The following DOT1L variants were observed in gnomAD, a reference collection of about 807,000 sequenced individuals.
DOT1L encodes histone-lysine N-methyltransferase, H3 lysine-79 specific.
Under a neutral mutation model 153.3 loss-of-function variants are expected in DOT1L, and 33 were observed. That is an observed-to-expected ratio of 0.22 (90% CI 0.16 to 0.29). The LOEUF (loss-of-function observed/expected upper bound fraction) is 0.29. Among genes scored for constraint, DOT1L ranks in the 10% least tolerant of loss-of-function variants. The pLI, the probability that DOT1L is intolerant of heterozygous loss-of-function variation, is 1.00. For missense variants in DOT1L, 1,847 were observed against 2,119.9 expected (o/e 0.87, Z 2.53); for synonymous variants, 1,135 against 965.1 (o/e 1.18, Z -3.26).
intron 1 of DOT1L, among the ~76,000 whole-genome samples, chr19:2,165,971 C>T (rs2019903119): frequency 6.6e-6 from 1 of 151,904 alleles, no homozygotes; most frequent in Admixed American, 6.6e-5. Flanking sequence ...GGGGTTTCAC[C>T]GTGTTAGCCA....
At chr19:2,216,862 TGAG>T (rs936488258) in intron 20 of DOT1L, 90 bp from the exon 21 acceptor site, 23 of 1,557,272 alleles carry the variant, frequency 1.5e-5, no homozygotes, top group African/African-American at 2.7e-5. Flanking sequence ...GTGTGTTTGT[TGAG>T]GAGACTGAGG....
chr19:2,227,226 A>T (rs1303579294), intron 27 of DOT1L, 99 bp downstream of exon 27: 2 of 1,454,224 alleles, frequency 1.4e-6, no homozygotes, highest in Admixed American at 3.4e-5. Flanking sequence ...GCAGGAGCTG[A>T]GCTGCAGGTC....
In DOT1L at chr19:2,223,390, A is replaced by G. The variant is rs749144203; in HGVS notation, c.3500A>G (p.Lys1167Arg). The change falls in exon 25 of 28, where the codon AAG becomes AGG. Residue 1167 changes from lysine (K) to arginine (R), a missense_variant. Around this residue, in one of 8 missense-constraint regions of DOT1L, gnomAD observed 934 missense variants for 825.3 expected, o/e 1.13. Coordinates refer to ENST00000398665, the MANE Select transcript of DOT1L (RefSeq NM_032482.3). ...GACCACGACCAGCCCCCCGTGCTCA[A>G]GAAGGAGCGGCCTCTGAGCCAGACC... ...YQDHDQPPVL[K>R]KERPLSQTNG... 3 of 1,613,800 alleles carry G rather than the reference A, an allele frequency of 1.9e-6. No homozygotes were observed. Among genetic ancestry groups the G allele is most frequent in the East Asian group, 4.5e-5 (2 of 44,882 alleles).
chr19:2,189,687 C>T, intron 3 of DOT1L, 45 bp from the exon 4 acceptor site: 3 of 1,602,060 alleles, frequency 1.9e-6, no homozygotes, highest in Non-Finnish European at 1.7e-6. Context: ...ATGCATGCGG[C>T]TGGCTCCTGC....
At chr19:2,216,890 G>C in intron 20 of DOT1L, 65 bp from the exon 21 acceptor site, 1 of 1,567,886 alleles carries the variant, frequency 6.4e-7, no homozygotes, top group Non-Finnish European at 8.7e-7. Flanking sequence ...GAGGTGCTGG[G>C]CCAGGCCGCT....
intron 12 of DOT1L, 127 bp downstream of exon 12, chr19:2,209,103 G>T: frequency 1.9e-6 from 2 of 1,047,122 alleles, no homozygotes; most frequent in Admixed American, 2.7e-5. Context: ...CTCGGGGCCC[G>T]GCCCTGTGCC....
Position 2,185,843 on chromosome 19 carries a change from G to A in DOT1L, c.126-12G>A, listed in dbSNP as rs1188733812. The A allele has an allele frequency of 9.9e-6, 16 of 1,613,704 alleles. No homozygotes were observed. Among genetic ancestry groups the A allele is most frequent in the Non-Finnish European group, 1.3e-5 (15 of 1,179,764 alleles). The stretch of plus-strand genomic sequence containing the variant: ...CAAACCCTTCCTGATCGTTTCTGCT[G>A]CTGTGTTTCAGATGGGTCTGTGAAG... On this transcript the variant is annotated splice_polypyrimidine_tract_variant and intron_variant, in intron 2 of 27. Transcript: ENST00000398665.
In DOT1L at chr19:2,190,165, A is replaced by G. The variant is rs1277286789; in HGVS notation, c.264+370A>G. On this transcript the variant is annotated intron_variant, in intron 4 of 27. Transcript: ENST00000398665. This position sits in a 1 kb window ranked among gnomAD's most constrained non-coding sequence, Gnocchi z 4.8. ...GCCTTCCCCCTTGGACCTCCCCCAC[A>G]CCGCCTGCCTTCATCAGGCTGGATG... 2.0e-5 allele frequency among the ~76,000 whole-genome samples: 3 copies of G among 151,490 alleles called. No homozygotes were observed. The highest frequency in any genetic ancestry group is 4.4e-5 in the Non-Finnish European group (3 of 67,862).
chr19:2,199,095 T>C (rs1040485682), intron 7 of DOT1L, among the ~76,000 whole-genome samples: 13 of 152,202 alleles, frequency 8.5e-5, no homozygotes, highest in African/African-American at 2.7e-4. Flanking sequence ...TTTTGAAGGA[T>C]TTGAAAGGCG....
intron 13 of DOT1L, 50 bp downstream of exon 13, chr19:2,210,560 C>A (rs199766645): frequency 6.3e-7 from 1 of 1,590,824 alleles, no homozygotes; most frequent in Non-Finnish European, 8.6e-7. Context: ...GCCCCCTGCC[C>A]GGGAGACCCC....
At chr19:2,174,470 T>C (rs778462242) in intron 1 of DOT1L, among the ~76,000 whole-genome samples, 12 of 152,120 alleles carry the variant, frequency 7.9e-5, no homozygotes, top group Non-Finnish European at 1.8e-4. Context: ...GCAGATCACC[T>C]GAGGTTGGGA....
intron 7 of DOT1L, among the ~76,000 whole-genome samples, chr19:2,198,486 G>C (rs1053116003): frequency 1.3e-5 from 2 of 152,194 alleles, no homozygotes; most frequent in Non-Finnish European, 2.9e-5. Context: ...CCTGTCCTCC[G>C]GGCCCGGGGG....
intron 27 of DOT1L, 188 bp downstream of exon 27, chr19:2,227,315 CGT>C (rs750379415): frequency 6.2e-6 from 5 of 806,962 alleles, no homozygotes; most frequent in African/African-American, 3.4e-5. Context: ...ACGCTGAGTC[CGT>C]GTGTCTTGGG....
intron 5 of DOT1L, among the ~76,000 whole-genome samples, chr19:2,192,597 T>C (rs1277714878): frequency 1.3e-5 from 2 of 151,358 alleles, no homozygotes; most frequent in Non-Finnish European, 2.9e-5. Flanking sequence ...TGCTTGAACT[T>C]TGAAGGCGGA....
rs1306321512 is a variant in DOT1L, at chr19:2,214,610, G to A, written c.1923+14G>A. On this transcript the variant is annotated intron_variant, in intron 19 of 27. Transcript: ENST00000398665. ...CTGGAGCTGCAGGTGGGCTGCGCGCGAGGCTGCACTCCGTGGTGTCCGAGC... is the reference window on the plus strand; with the variant it reads ...CTGGAGCTGCAGGTGGGCTGCGCGCAAGGCTGCACTCCGTGGTGTCCGAGC... The A allele has an allele frequency of 6.2e-6, 10 of 1,610,310 alleles. No homozygotes were observed. Among genetic ancestry groups the A allele is most frequent in the African/African-American group, 2.7e-5 (2 of 74,918 alleles).
chr19:2,228,970 C>T (rs888129480), intron 27 of DOT1L: 104 of 985,252 alleles, frequency 1.1e-4, no homozygotes, highest in Non-Finnish European at 1.2e-4. Flanking sequence ...CCGGCGGGGT[C>T]GAGAGGCAAG....
In DOT1L at chr19:2,230,503, C is replaced by T. The variant is rs1004937882; in HGVS notation, c.*711C>T. On this transcript the variant is annotated 3_prime_UTR_variant, in exon 28 of 28. Transcript: ENST00000398665. ...GTGCTGCGCGATGGTGCTGTGAGGA[C>T]GGCGCGGGCACGTTGAACAAGTGCA... 8 of 398,844 alleles carry T rather than the reference C, an allele frequency of 2.0e-5. No homozygotes were observed. Among genetic ancestry groups the T allele is most frequent in the South Asian group, 1.3e-4 (1 of 7,880 alleles). 24.7% of individuals were successfully genotyped at this position (398,844 alleles called of 1,614,324 possible).
chr19:2,200,026 C>T, intron 8 of DOT1L, 87 bp downstream of exon 8: 1 of 1,521,338 alleles, frequency 6.6e-7, no homozygotes, highest in Non-Finnish European at 9.0e-7. Context: ...GGGAGCGGCC[C>T]CTCGCTCCTG....
Position 2,211,131 on chromosome 19 carries a change from C to G in DOT1L, c.1384C>G (p.Gln462Glu). The stretch of plus-strand genomic sequence containing the variant: ...CAGATCCCCTCACAGCCCGTTCTAC[C>G]AGCTACCTCCGAGCGTGCAGCGGCA... ...AYRSPHSPFYQLPPSVQRHSP... is the reference protein window; with the variant it reads ...AYRSPHSPFYELPPSVQRHSP... The change falls in exon 15 of 28, where the codon CAG becomes GAG. Residue 462 changes from glutamine (Q) to glutamate (E), a missense_variant. Around this residue, in one of 8 missense-constraint regions of DOT1L, gnomAD observed 205 missense variants for 203.1 expected, o/e 1.01. Transcript: ENST00000398665. 1 of 1,613,150 alleles carries G rather than the reference C, an allele frequency of 6.2e-7. No homozygotes were observed. Among genetic ancestry groups the G allele is most frequent in the Non-Finnish European group, 8.5e-7 (1 of 1,179,814 alleles).
Sources: gnomAD v4.1 joint callset for allele counts (sites outside exome capture counted in the v4.1 genomes callset) on GRCh38, gnomAD v4.1.1 for gene constraint, gnomAD v4.1.1 regional missense constraint, Gnocchi (gnomAD v3.1) non-coding constraint, MANE v1.5 for transcripts, NCBI Gene and HGNC (gene_info 2026-07-23, HGNC 2026-07-21) for gene names.